Variants in BAZ1A observed in about 807,000 individuals in gnomAD.
The protein encoded by BAZ1A is bromodomain adjacent to zinc finger domain protein 1A.
In BAZ1A, 50 loss-of-function variants were observed where a neutral mutation model predicts 185.2. The observed-to-expected ratio is 0.27, with a 90% confidence interval of 0.22 to 0.34. The LOEUF (loss-of-function observed/expected upper bound fraction) is 0.34. BAZ1A is among the 10% of genes least tolerant of loss of function. The pLI is 1.00. For synonymous variants in BAZ1A, 571 were observed against 615.6 expected, an observed-to-expected ratio of 0.93 and a Z score of 1.07; for missense variants, 1,356 against 1,839.9, an observed-to-expected ratio of 0.74 and a Z score of 4.81.
At chr14:34,827,425 T>C (rs1245003945) in intron 3 of BAZ1A, among the ~76,000 whole-genome samples, 1 of 152,198 alleles carries the variant, frequency 6.6e-6, no homozygotes, top group Non-Finnish European at 1.5e-5. Flanking sequence ...GTTATATTCC[T>C]AACTAAAGTT....
rs1340974949 is a variant in BAZ1A at position 34,799,252 on chromosome 14, G to A, written c.1128+972C>T. Among the ~76,000 whole-genome samples, 3 of 99,238 alleles carry A rather than the reference G, an allele frequency of 3.0e-5. 1 individual carries two copies. Among genetic ancestry groups the A allele is most frequent in the Non-Finnish European group, 5.6e-5 (3 of 53,524 alleles). 65.1% of individuals were successfully genotyped at this position (99,238 alleles called of 152,430 possible). ...CCTGTTGTGGGGTGGGGGGAGGGGG[G>A]AGGGATAGCATTAAGAGAAATACCT... On this transcript the variant is annotated intron_variant, in intron 9 of 26. Transcript: ENST00000360310.
At chr14:34,824,408 C>CAAACAAAA (rs2042134437) in intron 4 of BAZ1A, among the ~76,000 whole-genome samples, 2 of 65,772 alleles carry the variant, frequency 3.0e-5, no homozygotes, top group African/African-American at 6.6e-5. Flanking sequence ...AGCAGCAACT[C>CAAACAAAA]AAAAAAAAAA....
chr14:34,791,141 GAAGAGAA>G (rs367573774), intron 12 of BAZ1A, among the ~76,000 whole-genome samples: 4 of 133,786 alleles, frequency 3.0e-5, no homozygotes, highest in African/African-American at 5.6e-5. Context: ...AAAGAAAAGA[GAAGAGAA>G]AAGAGAAGAG....
rs1322211277 is a variant in BAZ1A at position 34,764,689 on chromosome 14, T to C, written c.3776+18A>G. ...AACTAAGACTTACTGACTCATTTTA[T>C]TGCATGTTAGGACTTACCTGACTTC... On this transcript the variant is annotated intron_variant, in intron 23 of 26. Coordinates refer to ENST00000360310, the MANE Select transcript of BAZ1A (RefSeq NM_013448.3). 1.9e-6 allele frequency: 3 copies of C among 1,579,754 alleles called. No individual in the cohort carries two copies. Among genetic ancestry groups the C allele is most frequent in the Admixed American group, 3.7e-5 (2 of 53,418 alleles).
intron 21 of BAZ1A, among the ~76,000 whole-genome samples, chr14:34,769,119 G>A (rs894595491): frequency 2.0e-5 from 3 of 152,114 alleles, no homozygotes; most frequent in Non-Finnish European, 4.4e-5. Flanking sequence ...ATTATCAGGT[G>A]AATGGAGAAT....
chr14:34,842,772 T>C (rs2042437086), intron 3 of BAZ1A, among the ~76,000 whole-genome samples: 1 of 152,158 alleles, frequency 6.6e-6, no homozygotes, highest in Admixed American at 6.5e-5. Flanking sequence ...TGCCTGTGCT[T>C]GAAAACATCA....
intron 20 of BAZ1A, among the ~76,000 whole-genome samples, chr14:34,772,905 G>A (rs1053781876): frequency 4.6e-5 from 7 of 152,208 alleles, no homozygotes; most frequent in Non-Finnish European, 1.0e-4. Context: ...GCACGTGCCT[G>A]TAATCCCAGC....
In BAZ1A at chr14:34,762,043, G is replaced by C; in HGVS notation, c.3957C>G (p.Asn1319Lys). Reference protein sequence around the residue: ...SKTGRSLRKINSAPPTETKSL... With the variant: ...SKTGRSLRKIKSAPPTETKSL... ...ATTTTGTTTCTGTAGGAGGAGCAGA[G>C]TTTATCTTTCTTAGGCTTCTACCAG... is the stretch of plus-strand genomic sequence containing the variant. Residue 1319 changes from asparagine to lysine, a missense_variant, in exon 24 of 27, where the codon AAC (asparagine) becomes AAG (lysine). Physicochemically the swap from Asn to Lys is moderately conservative, Grantham distance 94 (BLOSUM62 0). Coordinates refer to ENST00000360310, the MANE Select transcript of BAZ1A (RefSeq NM_013448.3). 1 of 1,614,214 alleles carries C rather than the reference G, an allele frequency of 6.2e-7. No homozygotes were observed. The highest frequency in any genetic ancestry group is 8.5e-7 in the Non-Finnish European group (1 of 1,180,044).
rs757917967 is a variant in BAZ1A at position 34,765,046 on chromosome 14, G to A, written c.3524C>T (p.Thr1175Ile). The stretch of plus-strand genomic sequence containing the variant: ...CTTGAGCTTTGGTCGAACACAGTAG[G>A]TATGATGACCCCTATCACAGCCATC... ...LCDGCDRGHH[T>I]YCVRPKLKTV... Residue 1175 changes from threonine to isoleucine, a missense_variant, in exon 22 of 27, where the codon ACC (threonine) becomes ATC (isoleucine). Thr to Ile is a moderately conservative substitution (Grantham distance 89). Coordinates refer to ENST00000360310, the MANE Select transcript of BAZ1A (RefSeq NM_013448.3). The A allele has an allele frequency of 6.2e-7, 1 of 1,614,132 alleles. No individual in the cohort carries two copies. Among genetic ancestry groups the A allele is most frequent in the South Asian group, 1.1e-5 (1 of 91,078 alleles).
At chr14:34,828,847 G>A (rs1297882127) in intron 3 of BAZ1A, 1 of 152,194 alleles carries the variant, frequency 6.6e-6, no homozygotes, top group Non-Finnish European at 1.5e-5. Context: ...GGAAGCCAAA[G>A]TAGATTCCAA....
intron 3 of BAZ1A, among the ~76,000 whole-genome samples, chr14:34,842,661 T>G (rs2042435206): frequency 1.3e-5 from 2 of 152,174 alleles, no homozygotes; most frequent in African/African-American, 2.4e-5. Context: ...CATTTAACTA[T>G]AATATCTTTT....
chr14:34,806,377 T>C (rs913658320), intron 6 of BAZ1A, among the ~76,000 whole-genome samples: 13 of 152,154 alleles, frequency 8.5e-5, no homozygotes, highest in African/African-American at 2.9e-4. Flanking sequence ...GGTTCTGTTG[T>C]GCAGATTACT....
chr14:34,773,620 A>G lies in BAZ1A; in HGVS notation c.3104T>C (p.Val1035Ala), dbSNP rs1879382747. The G allele has an allele frequency of 1.2e-6, 2 of 1,612,482 alleles. No individual in the cohort carries two copies. Among genetic ancestry groups the G allele is most frequent in the Admixed American group, 1.7e-5 (1 of 59,874 alleles). ...TTGTTCATCAATTTCCATCTCTTCT[A>G]CGTCTTCATTCACAGTTTTAATTAT... is the stretch of plus-strand genomic sequence containing the variant. ...NGIIKTVNEDVEEMEIDEQTK... is the reference protein window; with the variant it reads ...NGIIKTVNEDAEEMEIDEQTK... Residue 1035 changes from valine to alanine, a missense_variant, in exon 20 of 27, where the codon GTA becomes GCA. Val to Ala is a moderately conservative substitution (Grantham distance 64). This residue lies in a region of BAZ1A where 434 missense variants were observed against 561.7 expected (regional missense o/e 0.77). Coordinates refer to ENST00000360310, the MANE Select transcript of BAZ1A (RefSeq NM_013448.3).
chr14:34,792,779 G>A lies in BAZ1A; in HGVS notation c.1506C>T (p.Thr502=). The A allele has an allele frequency of 6.2e-7, 1 of 1,613,532 alleles. No individual in the cohort carries two copies. The highest frequency in any genetic ancestry group is 8.5e-7 in the Non-Finnish European group (1 of 1,179,882). Residue 502 remains threonine, a synonymous_variant, in exon 12 of 27, where the codon ACC becomes ACT. Transcript: ENST00000360310. ...GCAATAATGTTGAACTCTGACCTTT[G>A]GTGTCAGCATCAGTTAGTTGCTCTT... ...VAKEQLTDAD[T]KDLTEALDED...
intron 2 of BAZ1A, among the ~76,000 whole-genome samples, chr14:34,870,834 C>T (rs990890016): frequency 6.6e-6 from 1 of 152,210 alleles, no homozygotes; most frequent in African/African-American, 2.4e-5. Flanking sequence ...CTTGTTTCCT[C>T]ACCTGTAAAA....
Position 34,801,117 on chromosome 14 carries a change from T to C in BAZ1A, c.938A>G (p.Lys313Arg). Residue 313 changes from lysine to arginine, a missense_variant, in exon 8 of 27, where the codon AAA becomes AGA. Around this residue, in one of 7 missense-constraint regions of BAZ1A, gnomAD observed 332 missense variants for 395.3 expected, o/e 0.84. Coordinates refer to ENST00000360310, the MANE Select transcript of BAZ1A (RefSeq NM_013448.3). Reference protein sequence around the residue: ...KATKERDKLLKQEEMKSLAFE... With the variant: ...KATKERDKLLRQEEMKSLAFE... ...ACCCAGTGACTTCATTTCTTCTTGT[T>C]TCAAAAGTTTATCTCTTTCTTTAGT... The C allele has an allele frequency of 6.2e-7, 1 of 1,600,656 alleles. No individual in the cohort carries two copies. The highest frequency in any genetic ancestry group is 1.1e-5 in the South Asian group (1 of 87,608).
chr14:34,848,704 T>TTA (rs2138782799), intron 3 of BAZ1A, among the ~76,000 whole-genome samples: 1 of 152,342 alleles, frequency 6.6e-6, no homozygotes, highest in African/African-American at 2.4e-5. Context: ...CAATAATCTG[T>TTA]TATGTTTCTT....
chr14:34,838,427 T>C (rs1264988211), intron 3 of BAZ1A, among the ~76,000 whole-genome samples: 1 of 152,194 alleles, frequency 6.6e-6, no homozygotes, highest in South Asian at 2.1e-4. Flanking sequence ...GAGAGCCCTG[T>C]AGAAATGTTC....
chr14:34,783,679 A>AT (rs1880205858), intron 15 of BAZ1A, 83 bp downstream of exon 15: 1 of 1,508,230 alleles, frequency 6.6e-7, no homozygotes, highest in African/African-American at 1.4e-5. Flanking sequence ...TGAATGCCAC[A>AT]TTATAGCACC....
Sources: allele counts gnomAD v4.1 joint callset (sites outside exome capture counted in the v4.1 genomes callset), GRCh38; gene constraint gnomAD v4.1.1; regional missense constraint gnomAD v4.1.1; transcripts MANE v1.5; gene names NCBI Gene and HGNC (gene_info 2026-07-23, HGNC 2026-07-21).